Variants in ATG7 observed in about 807,000 individuals in gnomAD.
The protein encoded by ATG7 is autophagy related 7.
In ATG7, 70 loss-of-function variants were observed where a neutral mutation model predicts 82.4. The observed-to-expected ratio is 0.85, with a 90% CI of 0.70 to 1.04. ATG7 has a LOEUF of 1.04. Among genes scored for constraint, ATG7 ranks in the 50% least tolerant of loss-of-function variants. ATG7 has a pLI of 0.00. For missense variants in ATG7, 792 were observed against 864.3 expected (o/e 0.92, Z 1.05); for synonymous variants, 287 against 313.0 (o/e 0.92, Z 0.88).
intron 20 of ATG7, among the ~76,000 whole-genome samples, chr3:11,501,108 G>T (rs560688277): frequency 6.6e-6 from 1 of 152,300 alleles, no homozygotes; most frequent in East Asian, 1.9e-4. Flanking sequence ...TAAAAAATTG[G>T]CCAGGTATGG....
Position 11,475,379 on chromosome 3 carries a change from A to C in ATG7, c.2079+48453A>C, listed in dbSNP as rs933262933. On this transcript the variant is annotated intron_variant, in intron 20 of 20. Coordinates refer to ENST00000693202, the MANE Select transcript of ATG7 (RefSeq NM_001349232.2). ...GGTGGACAGAGCCTAGGTTCTGAGC[A>C]TTCCTTAGTGAGGAAAGGGAACCAG... Among the ~76,000 whole-genome samples the C allele has an allele frequency of 1.8e-4, 28 of 152,160 alleles. 3 individuals carry two copies. The highest frequency in any genetic ancestry group is 1.5e-3 in the Admixed American group (23 of 15,282).
chr3:11,399,447 AG>A (rs2079606178), intron 19 of ATG7, among the ~76,000 whole-genome samples: 1 of 152,372 alleles, frequency 6.6e-6, no homozygotes, highest in African/African-American at 2.4e-5. Context: ...AGGCAGATTT[AG>A]GTGAAAAATT....
At chr3:11,376,365 T>A (rs1395213653) in intron 18 of ATG7, among the ~76,000 whole-genome samples, 1 of 152,232 alleles carries the variant, frequency 6.6e-6, no homozygotes, top group Non-Finnish European at 1.5e-5. Flanking sequence ...AATTTTAAAC[T>A]CCAAAACTAT....
chr3:11,427,690 G>A (rs1052920338), intron 20 of ATG7, among the ~76,000 whole-genome samples: 3 of 151,856 alleles, frequency 2.0e-5, no homozygotes, highest in South Asian at 4.2e-4. Context: ...TGGCAGGCAC[G>A]TGTAATCCCA....
chr3:11,384,264 T>C (rs1473938700), intron 19 of ATG7, among the ~76,000 whole-genome samples: 1 of 152,224 alleles, frequency 6.6e-6, no homozygotes, highest in East Asian at 1.9e-4. Flanking sequence ...CTCACAACCT[T>C]CTTGATAGTG....
At chr3:11,478,725 C>T (rs895632662) in intron 20 of ATG7, among the ~76,000 whole-genome samples, 2 of 152,000 alleles carry the variant, frequency 1.3e-5, no homozygotes, top group African/African-American at 4.8e-5. Context: ...ACACCCCCAC[C>T]CCCAAACATG....
chr3:11,445,805 A>T lies in ATG7; in HGVS notation c.2079+18879A>T, dbSNP rs193288210. Among the ~76,000 whole-genome samples the T allele has an allele frequency of 7.4e-4, 113 of 152,294 alleles. No homozygotes were observed. The East Asian group carries it at 0.015, about 20-fold the overall frequency. ...TTCTGTGGTCCCTTATCCTTGCCAG[A>T]ATCTTGGTACTGTCACATTTTAAAA... On this transcript the variant is annotated intron_variant, in intron 20 of 20. Coordinates refer to ENST00000693202, the MANE Select transcript of ATG7 (RefSeq NM_001349232.2).
chr3:11,395,206 A>G (rs1224129936), intron 19 of ATG7, among the ~76,000 whole-genome samples: 1 of 152,230 alleles, frequency 6.6e-6, no homozygotes, highest in Non-Finnish European at 1.5e-5. Context: ...GAAACTTCAG[A>G]GTGAAGCACT....
intron 20 of ATG7, among the ~76,000 whole-genome samples, chr3:11,493,752 T>C (rs1045005786): frequency 2.6e-5 from 4 of 152,212 alleles, no homozygotes; most frequent in Admixed American, 6.5e-5. Context: ...AGGGGAAACA[T>C]GACTAAGTAG....
intron 19 of ATG7, among the ~76,000 whole-genome samples, chr3:11,381,186 G>T (rs1041625630): frequency 6.6e-6 from 1 of 152,212 alleles, no homozygotes; most frequent in Non-Finnish European, 1.5e-5. Context: ...CATTCTTTCT[G>T]TAGTTTCCTT....
intron 20 of ATG7, 28 bp from the exon 21 acceptor site, chr3:11,554,783 G>A (rs371605149): frequency 3.2e-5 from 51 of 1,612,374 alleles, no homozygotes; most frequent in Middle Eastern, 1.6e-4. Flanking sequence ...GGGACATCTC[G>A]GCTGAGCCTC....
At chr3:11,477,967 T>G (rs578137453) in intron 20 of ATG7, among the ~76,000 whole-genome samples, 14 of 152,184 alleles carry the variant, frequency 9.2e-5, no homozygotes, top group Non-Finnish European at 2.1e-4. Context: ...CTACCTTTCA[T>G]AAGTCAGTCT....
chr3:11,516,044 A>C (rs930983795), intron 20 of ATG7, among the ~76,000 whole-genome samples: 7 of 151,356 alleles, frequency 4.6e-5, no homozygotes, highest in African/African-American at 1.2e-4. Context: ...AAAAAAAAAA[A>C]AACAAAAAAA....
intron 20 of ATG7, chr3:11,488,623 A>AGCCTTCTGGGGCCTCCGG (rs2090020008): frequency 5.2e-6 from 2 of 382,982 alleles, no homozygotes. Context: ...CGGGCCTTCG[A>AGCCTTCTGGGGCCTCCGG]GCCTTCTGGG....
At chr3:11,437,786 C>T (rs1232228320) in intron 20 of ATG7, among the ~76,000 whole-genome samples, 1 of 152,160 alleles carries the variant, frequency 6.6e-6, no homozygotes, top group Non-Finnish European at 1.5e-5. Flanking sequence ...CATTTGAAAG[C>T]AAGTTTTATA....
the ATG7 span, among the ~76,000 whole-genome samples, chr3:11,564,553 G>A: frequency 6.6e-6 from 1 of 152,158 alleles, no homozygotes; most frequent in Non-Finnish European, 1.5e-5. Context: ...CCAAGGCCGT[G>A]AGTGCTAAGA....
intron 14 of ATG7, among the ~76,000 whole-genome samples, chr3:11,358,019 A>AG (rs201908594): frequency 0.029 from 4,403 of 151,100 alleles, 241 homozygotes; most frequent in African/African-American, 0.1. Flanking sequence ...AAAAAAAAAA[A>AG]AAAAGAAAAG....
At chr3:11,349,930 GT>G (rs2075415666) in intron 14 of ATG7, among the ~76,000 whole-genome samples, 2 of 152,144 alleles carry the variant, frequency 1.3e-5, no homozygotes, top group Admixed American at 6.5e-5. Context: ...AATCTTGACA[GT>G]TTTCTTTTTT....
chr3:11,497,221 TGTTATTCTGGCCAGGCA>T (rs1465651153), intron 20 of ATG7, among the ~76,000 whole-genome samples: 6 of 150,668 alleles, frequency 4.0e-5, no homozygotes, highest in African/African-American at 1.2e-4. Context: ...TTTCAAAATA[TGTTATTCTGGCCAGGCA>T]CAGTGGCTCA....
Sources: allele counts gnomAD v4.1 joint callset (sites outside exome capture counted in the v4.1 genomes callset), GRCh38; gene constraint gnomAD v4.1.1; transcripts MANE v1.5; gene names NCBI Gene and HGNC (gene_info 2026-07-23, HGNC 2026-07-21).